The following MYO3B variants were observed in gnomAD, a reference collection of about 807,000 sequenced individuals.
MYO3B encodes myosin-IIIb.
A neutral mutation model predicts 174.6 loss-of-function variants in MYO3B; 156 were observed. The observed-to-expected ratio is 0.89, with a 90% CI of 0.78 to 1.02. The LOEUF is 1.02. MYO3B is among the 50% of genes least tolerant of loss of function. The pLI, the probability that MYO3B is intolerant of heterozygous loss-of-function variation, is 0.00. For missense variants in MYO3B, 1,632 were observed against 1,639.4 expected (o/e 1.00, Z 0.08); for synonymous variants, 563 against 569.1 (o/e 0.99, Z 0.15).
At chr2:170,289,398 T>C (rs964104694) in intron 7 of MYO3B, among the ~76,000 whole-genome samples, 3 of 152,102 alleles carry the variant, frequency 2.0e-5, no homozygotes, top group African/African-American at 7.2e-5. Context: ...TAACAATTAT[T>C]GGTTTTGTGA....
At chr2:170,386,362 T>C in intron 13 of MYO3B, 90 bp downstream of exon 13, 1 of 1,091,902 alleles carries the variant, frequency 9.2e-7, no homozygotes, top group Non-Finnish European at 1.3e-6. Context: ...TGGGTTTTTT[T>C]TATTAAGGCT....
rs557781037 is a variant in MYO3B, at chr2:170,221,130, C to T, written c.603+3735C>T. ...TAATCAGTAATGGTTCAAATTAACA[C>T]TGTCTTCATATGATGGCCTGTGTGG... On this transcript the variant is annotated intron_variant, in intron 6 of 34. Transcript: ENST00000408978. 2.6e-5 allele frequency among the ~76,000 whole-genome samples: 4 copies of T among 152,178 alleles called. No individual in the cohort carries two copies. In the South Asian group the frequency reaches 8.3e-4, roughly 32 times the overall value.
intron 7 of MYO3B, among the ~76,000 whole-genome samples, chr2:170,263,355 A>G (rs950607061): frequency 6.6e-6 from 1 of 152,128 alleles, no homozygotes; most frequent in Non-Finnish European, 1.5e-5. Flanking sequence ...GTCAGGTGGG[A>G]TGACAGACTG....
chr2:170,243,171 A>G, intron 7 of MYO3B, among the ~76,000 whole-genome samples: 1 of 152,208 alleles, frequency 6.6e-6, no homozygotes, highest in East Asian at 1.9e-4. Context: ...TAGTTGCTTA[A>G]ACAACAAACA....
chr2:170,212,109 G>A (rs1218530117), intron 3 of MYO3B, among the ~76,000 whole-genome samples: 1 of 152,092 alleles, frequency 6.6e-6, no homozygotes, highest in African/African-American at 2.4e-5. Flanking sequence ...TGGGTGTGGT[G>A]GCGCATACCT....
chr2:170,647,267 A>G (rs1391067696), intron 32 of MYO3B, among the ~76,000 whole-genome samples: 1 of 152,206 alleles, frequency 6.6e-6, no homozygotes, highest in African/African-American at 2.4e-5. Context: ...GTCACTTAAC[A>G]TCTTAAAACA....
chr2:170,470,613 A>G (rs1684927052), intron 25 of MYO3B, among the ~76,000 whole-genome samples: 1 of 152,172 alleles, frequency 6.6e-6, no homozygotes, highest in Admixed American at 6.5e-5. Flanking sequence ...TCTTTTGGGT[A>G]TATACCTACG....
Position 170,410,607 on chromosome 2 carries a change from A to C in MYO3B, c.2650+2763A>C, listed in dbSNP as rs551202748. 1.3e-3 allele frequency among the ~76,000 whole-genome samples: 192 copies of C among 150,364 alleles called. 3 individuals carry two copies. The East Asian group carries it at 0.026, about 20-fold the overall frequency. ...CAAAAAAAAAGAAAAAAAAAAAAAA[A>C]AAAACTTGGGAAACCTTAGAGGCAA... On this transcript the variant is annotated intron_variant, in intron 22 of 34. Coordinates refer to ENST00000408978, the MANE Select transcript of MYO3B (RefSeq NM_138995.5).
chr2:170,244,533 T>C (rs2093169225), intron 7 of MYO3B, among the ~76,000 whole-genome samples: 1 of 152,158 alleles, frequency 6.6e-6, no homozygotes, highest in Non-Finnish European at 1.5e-5. Context: ...CTATCAGTGC[T>C]CTTAGAATTC....
intron 7 of MYO3B, among the ~76,000 whole-genome samples, chr2:170,304,145 G>A (rs78590243): frequency 0.02 from 2,978 of 152,218 alleles, 112 homozygotes; most frequent in African/African-American, 0.068. Context: ...GTAGGATAGT[G>A]AAAAACAGAA....
intron 22 of MYO3B, among the ~76,000 whole-genome samples, chr2:170,422,633 A>G (rs2094625262): frequency 1.3e-5 from 2 of 151,602 alleles, no homozygotes; most frequent in African/African-American, 2.4e-5. Context: ...TGATTTTTGT[A>G]TTATTAGTAG....
At chr2:170,235,258 G>T (rs538289788) in intron 6 of MYO3B, among the ~76,000 whole-genome samples, 1 of 152,228 alleles carries the variant, frequency 6.6e-6, no homozygotes, top group African/African-American at 2.4e-5. Flanking sequence ...TATCGCCATT[G>T]TGATAGTCAT....
chr2:170,250,834 C>G (rs1444874336), intron 7 of MYO3B, among the ~76,000 whole-genome samples: 2 of 151,906 alleles, frequency 1.3e-5, no homozygotes, highest in African/African-American at 4.8e-5. Context: ...GTTTGGCTGT[C>G]TAGCGGCCGA....
At chr2:170,284,904 T>G (rs2105402137) in intron 7 of MYO3B, among the ~76,000 whole-genome samples, 1 of 152,344 alleles carries the variant, frequency 6.6e-6, no homozygotes, top group African/African-American at 2.4e-5. Context: ...TGCATATATT[T>G]ATAATATAGA....
chr2:170,178,583 C>T (rs371002743), intron 1 of MYO3B, among the ~76,000 whole-genome samples: 19 of 151,426 alleles, frequency 1.3e-4, no homozygotes, highest in African/African-American at 4.6e-4. Context: ...CACATACACA[C>T]AGCATAGTTC....
chr2:170,632,184 T>C (rs1446206011), intron 32 of MYO3B, among the ~76,000 whole-genome samples: 2 of 152,202 alleles, frequency 1.3e-5, no homozygotes, highest in African/African-American at 2.4e-5. Flanking sequence ...ATATACATTC[T>C]TTTCAGCACC....
rs542008572 is a variant in MYO3B, at chr2:170,246,632, C to T, written c.749+10496C>T. Among the ~76,000 whole-genome samples the T allele has an allele frequency of 3.9e-5, 6 of 152,160 alleles. No homozygotes were observed. The East Asian group carries it at 1.2e-3, about 29-fold the overall frequency. ...ACTAGAAGAGGCAAGGAAGGATCCT[C>T]CCCCAGAGGCTTCAGAGGGAGCATG... On this transcript the variant is annotated intron_variant, in intron 7 of 34. Transcript: ENST00000408978.
chr2:170,423,377 G>C (rs575613017), intron 22 of MYO3B, among the ~76,000 whole-genome samples: 9 of 152,204 alleles, frequency 5.9e-5, no homozygotes, highest in African/African-American at 1.9e-4. Context: ...CCTCATTCCT[G>C]CTCTCAAAGA....
chr2:170,433,122 T>G (rs115471310), intron 22 of MYO3B, among the ~76,000 whole-genome samples: 410 of 152,304 alleles, frequency 2.7e-3, no homozygotes, highest in African/African-American at 9.3e-3. Context: ...TACCATATTT[T>G]TACTGTACCT....
Sources: allele counts gnomAD v4.1 joint callset (sites outside exome capture counted in the v4.1 genomes callset), GRCh38; gene constraint gnomAD v4.1.1; transcripts MANE v1.5; gene names NCBI Gene and HGNC (gene_info 2026-07-23, HGNC 2026-07-21).